PTPRD: variants seen among roughly 807,000 people sequenced by gnomAD.
PTPRD encodes the protein protein tyrosine phosphatase receptor type D.
PTPRD carries 34 observed loss-of-function variants against 214.5 expected under a neutral mutation model. The ratio of observed to expected loss-of-function variants is 0.16; its 90% CI spans 0.12 to 0.21. PTPRD has a LOEUF of 0.21. Among genes scored for constraint, PTPRD ranks in the 10% least tolerant of loss-of-function variants. The probability of loss-of-function intolerance (pLI) is 1.00; values close to 1 mark genes in which losing one functional copy is unlikely to be tolerated. For synonymous variants in PTPRD, 1,128 were observed against 845.7 expected (o/e 1.33, Z -5.79); for missense variants, 2,545 against 2,398.7 (o/e 1.06, Z -1.27).
At position 8,959,919 on chromosome 9, in the gene PTPRD, G is replaced by A. The variant is rs552096913; in HGVS notation, c.-104+58778C>T. ...AAATGTTATTCCAACAGTATTCATC[G>A]AGTACCTCACCTATCATGTGACAAG... On this transcript the variant is annotated intron_variant, in intron 11 of 45. Coordinates refer to ENST00000381196, the MANE Select transcript of PTPRD (RefSeq NM_002839.4). Among the ~76,000 whole-genome samples, 4 of 152,016 alleles carry A rather than the reference G, an allele frequency of 2.6e-5. No homozygotes were observed. In the South Asian group the frequency reaches 6.2e-4, roughly 24 times the overall value.
intron 3 of PTPRD, among the ~76,000 whole-genome samples, chr9:10,203,465 C>T (rs2099443413): frequency 6.6e-6 from 1 of 151,966 alleles, no homozygotes; most frequent in South Asian, 2.1e-4. Flanking sequence ...AAAGGCCACA[C>T]CCACATTTTG....
At chr9:10,605,482 G>T (rs1015781204) in intron 2 of PTPRD, among the ~76,000 whole-genome samples, 2 of 151,780 alleles carry the variant, frequency 1.3e-5, no homozygotes, top group African/African-American at 4.8e-5. Context: ...CACACATAAG[G>T]AATTAGCACT....
At chr9:9,656,934 G>A (rs1326861579) in intron 7 of PTPRD, among the ~76,000 whole-genome samples, 2 of 151,970 alleles carry the variant, frequency 1.3e-5, no homozygotes, top group African/African-American at 4.8e-5. Context: ...ACCTACAACT[G>A]CTCTAAAAAT....
At chr9:8,842,754 T>C (rs2097583716) in intron 11 of PTPRD, among the ~76,000 whole-genome samples, 1 of 152,184 alleles carries the variant, frequency 6.6e-6, no homozygotes, top group South Asian at 2.1e-4. Flanking sequence ...TGACATTGGA[T>C]TGGCCTGATC....
chr9:8,866,549 C>T (rs550503700), intron 11 of PTPRD, among the ~76,000 whole-genome samples: 11 of 152,126 alleles, frequency 7.2e-5, no homozygotes, highest in African/African-American at 2.4e-4. Context: ...TGATTAAGTA[C>T]GTACTTTATA....
intron 7 of PTPRD, among the ~76,000 whole-genome samples, chr9:9,701,903 G>C (rs368882927): frequency 6.6e-6 from 1 of 152,110 alleles, no homozygotes; most frequent in African/African-American, 2.4e-5. Flanking sequence ...TGGACCACCT[G>C]AGGTCAGGAG....
intron 9 of PTPRD, among the ~76,000 whole-genome samples, chr9:9,270,018 T>G (rs1942154207): frequency 6.6e-6 from 1 of 150,528 alleles, no homozygotes; most frequent in African/African-American, 2.4e-5. Flanking sequence ...TATATAATAT[T>G]ACTATAACAT....
chr9:9,410,069 T>A (rs1405255868), intron 8 of PTPRD, among the ~76,000 whole-genome samples: 1 of 152,136 alleles, frequency 6.6e-6, no homozygotes, highest in Admixed American at 6.6e-5. Context: ...CAATGAAAAT[T>A]ATAGTAAGGT....
intron 2 of PTPRD, among the ~76,000 whole-genome samples, chr9:10,362,305 T>C (rs1392494466): frequency 6.6e-6 from 1 of 151,466 alleles, no homozygotes; most frequent in African/African-American, 2.4e-5. Flanking sequence ...TTCGGCCCCA[T>C]TGATCTTCAC....
At chr9:9,093,045 C>G (rs927658368) in intron 10 of PTPRD, among the ~76,000 whole-genome samples, 1 of 151,830 alleles carries the variant, frequency 6.6e-6, no homozygotes, top group African/African-American at 2.4e-5. Flanking sequence ...AAAGCAGAAA[C>G]GGCTATACTA....
At chr9:9,837,768 T>G (rs1342781272) in intron 5 of PTPRD, among the ~76,000 whole-genome samples, 1 of 141,506 alleles carries the variant, frequency 7.1e-6, no homozygotes, top group South Asian at 2.1e-4. Flanking sequence ...TTTTATTCTT[T>G]TATTTTATTA....
chr9:8,520,527 C>T (rs551312825), intron 20 of PTPRD, among the ~76,000 whole-genome samples: 1 of 152,154 alleles, frequency 6.6e-6, no homozygotes, highest in South Asian at 2.1e-4. Context: ...TGCAATAGTT[C>T]TAGCCATCTG....
chr9:10,431,365 A>G (rs1363523344), intron 2 of PTPRD, among the ~76,000 whole-genome samples: 2 of 152,074 alleles, frequency 1.3e-5, no homozygotes, highest in Non-Finnish European at 2.9e-5. Flanking sequence ...CATTCAGGAC[A>G]TAGGCATGGG....
intron 11 of PTPRD, among the ~76,000 whole-genome samples, chr9:8,886,758 CAAT>C (rs2098492857): frequency 1.3e-5 from 2 of 152,148 alleles, no homozygotes; most frequent in Non-Finnish European, 2.9e-5. Context: ...CTGCACCGTG[CAAT>C]AGTGTTTGTT....
intron 2 of PTPRD, among the ~76,000 whole-genome samples, chr9:10,394,719 A>G (rs1587099986): frequency 1.3e-5 from 2 of 151,884 alleles, no homozygotes; most frequent in Admixed American, 6.6e-5. Context: ...TTTACTTTAA[A>G]TAGTAAATGT....
chr9:10,476,143 G>T (rs1481916917), intron 2 of PTPRD, among the ~76,000 whole-genome samples: 1 of 152,080 alleles, frequency 6.6e-6, no homozygotes, highest in African/African-American at 2.4e-5. Context: ...GGGCAGTGAG[G>T]CAGGAGAAAG....
At chr9:8,397,447 A>G (rs545460285) in intron 36 of PTPRD, among the ~76,000 whole-genome samples, 52 of 152,304 alleles carry the variant, frequency 3.4e-4, no homozygotes, top group African/African-American at 1.2e-3. Flanking sequence ...CTGTATTAAC[A>G]TATTTTCCTA....
At chr9:10,236,377 G>T (rs1351158318) in intron 3 of PTPRD, among the ~76,000 whole-genome samples, 1 of 151,962 alleles carries the variant, frequency 6.6e-6, no homozygotes, top group African/African-American at 2.4e-5. Context: ...TATCTTGACA[G>T]TTAGGCTTAA....
chr9:8,331,456 CTTTAAGTTTT>C, intron 44 of PTPRD, 116 bp downstream of exon 44: 1 of 1,083,998 alleles, frequency 9.2e-7, no homozygotes, highest in South Asian at 1.7e-5. Context: ...ATCAATCCTG[CTTTAAGTTTT>C]GTAATACATT....
Sources: allele counts gnomAD v4.1 joint callset (sites outside exome capture counted in the v4.1 genomes callset), GRCh38; gene constraint gnomAD v4.1.1; transcripts MANE v1.5; gene names NCBI Gene and HGNC (gene_info 2026-07-23, HGNC 2026-07-21).